Variants in COL8A1 observed in about 807,000 individuals in gnomAD.
COL8A1 encodes collagen alpha-1(VIII) chain.
In COL8A1, 21 loss-of-function variants were observed where a neutral mutation model predicts 42.7. The ratio of observed to expected loss-of-function variants is 0.49; its 90% CI spans 0.35 to 0.71. The LOEUF (loss-of-function observed/expected upper bound fraction) is 0.71. Ranked by LOEUF, COL8A1 falls within the 30% of genes least tolerant of loss-of-function variation. The pLI, the probability that COL8A1 is intolerant of heterozygous loss-of-function variation, is 0.01. For synonymous variants in COL8A1, 367 were observed against 369.1 expected, an observed-to-expected ratio of 0.99 and a Z score of 0.06; for missense variants, 788 against 962.4, an observed-to-expected ratio of 0.82 and a Z score of 2.40.
intron 1 of COL8A1, among the ~76,000 whole-genome samples, chr3:99,729,722 G>C (rs1440923876): frequency 6.6e-6 from 1 of 152,006 alleles, no homozygotes; most frequent in Non-Finnish European, 1.5e-5. Flanking sequence ...GGCTTAAAGA[G>C]TTCCTTCAGA....
chr3:99,774,154 T>C (rs1941647106), intron 2 of COL8A1, among the ~76,000 whole-genome samples: 1 of 151,382 alleles, frequency 6.6e-6, no homozygotes, highest in East Asian at 1.9e-4. Flanking sequence ...CCGATAGACA[T>C]ATATTTTTTA....
In COL8A1 at chr3:99,724,192, GT is replaced by G. The variant is rs1335545274; in HGVS notation, c.-128-20702del. 2.0e-5 allele frequency among the ~76,000 whole-genome samples: 3 copies of G among 152,064 alleles called. No homozygotes were observed. In the East Asian group the frequency reaches 5.8e-4, roughly 29 times the overall value. ...GCTAAAGTTGGAGAGAGAGGACTCA[GT>G]TTGCAGAATCTGTGTCATTGGTTGG... On this transcript the variant is annotated intron_variant, in intron 1 of 3. Coordinates refer to ENST00000652472, the MANE Select transcript of COL8A1 (RefSeq NM_020351.4).
At chr3:99,756,028 C>A (rs891953740) in intron 2 of COL8A1, among the ~76,000 whole-genome samples, 8 of 152,012 alleles carry the variant, frequency 5.3e-5, no homozygotes, top group African/African-American at 1.9e-4. Context: ...CTGGTCCAGG[C>A]AAAACATGAT....
chr3:99,795,489 C>G lies in COL8A1; in HGVS notation c.1588C>G (p.Pro530Ala). ...GGGCCTCCCAGGGCCCCCTGGGTTC[C>G]CTGGTATAGGGAAACCCGGAGTGGC... is the stretch of plus-strand genomic sequence containing the variant. ...EPGLPGPPGF[P>A]GIGKPGVAGL... The change falls in exon 4 of 4, where the codon CCT becomes GCT. Residue 530 changes from proline to alanine, a missense_variant. Physicochemically the swap from Pro to Ala is conservative, Grantham distance 27 (BLOSUM62 -1). Transcript: ENST00000652472. 6.4e-7 allele frequency: 1 copy of G among 1,564,038 alleles called. No individual in the cohort carries two copies. Among genetic ancestry groups the G allele is most frequent in the Non-Finnish European group, 8.7e-7 (1 of 1,153,168 alleles).
chr3:99,716,026 A>G (rs1361282996), intron 1 of COL8A1, among the ~76,000 whole-genome samples: 3 of 152,052 alleles, frequency 2.0e-5, no homozygotes, highest in Non-Finnish European at 2.9e-5. Context: ...TTACAGTGGT[A>G]TAACCCTTTT....
intron 1 of COL8A1, among the ~76,000 whole-genome samples, chr3:99,694,917 G>T (rs1217091119): frequency 6.6e-6 from 1 of 152,164 alleles, no homozygotes; most frequent in Non-Finnish European, 1.5e-5. Context: ...AGGAGTAAAA[G>T]CTGCAGTAAA....
intron 1 of COL8A1, among the ~76,000 whole-genome samples, chr3:99,700,237 T>C (rs1014458367): frequency 6.6e-6 from 1 of 152,070 alleles, no homozygotes; most frequent in African/African-American, 2.4e-5. Context: ...GAAATGCACG[T>C]ATACCTATGT....
chr3:99,665,673 CTTTTTTTTTTTTT>C (rs67004417), intron 1 of COL8A1, among the ~76,000 whole-genome samples: 2 of 70,222 alleles, frequency 2.8e-5, no homozygotes, highest in Non-Finnish European at 5.2e-5. Context: ...TGAATTAATT[CTTTTTTTTTTTTT>C]TTTTTTTTTT....
chr3:99,707,879 C>T (rs1185541302), intron 1 of COL8A1, among the ~76,000 whole-genome samples: 2 of 152,104 alleles, frequency 1.3e-5, no homozygotes. Context: ...CCACCAATAA[C>T]CCCATGAGAC....
At chr3:99,725,499 T>C (rs1201150864) in intron 1 of COL8A1, among the ~76,000 whole-genome samples, 4 of 151,456 alleles carry the variant, frequency 2.6e-5, no homozygotes, top group African/African-American at 9.7e-5. Context: ...TGTGCCATGT[T>C]GGTGTGCTGC....
chr3:99,795,294 G>C lies in COL8A1; in HGVS notation c.1393G>C (p.Gly465Arg). 1 of 1,610,662 alleles carries C rather than the reference G, an allele frequency of 6.2e-7. No individual in the cohort carries two copies. Among genetic ancestry groups the C allele is most frequent in the Admixed American group, 1.7e-5 (1 of 59,402 alleles). The part of the protein sequence containing the change: ...PGPIGPKGEA[G>R]QKGVPGLPGV... ...TCCCATAGGGCCCAAGGGGGAAGCTGGGCAAAAAGGTGTACCAGGACTCCC... is the reference window on the plus strand; with the variant it reads ...TCCCATAGGGCCCAAGGGGGAAGCTCGGCAAAAAGGTGTACCAGGACTCCC... Residue 465 changes from glycine (G) to arginine (R), a missense_variant, in exon 4 of 4, where the codon GGG (glycine) becomes CGG (arginine). Gly to Arg is a moderately radical substitution (Grantham distance 125). This residue lies in a region of COL8A1 where 154 missense variants were observed against 182.3 expected (regional missense o/e 0.84). Transcript: ENST00000652472.
At chr3:99,747,718 T>C (rs780243155) in intron 2 of COL8A1, among the ~76,000 whole-genome samples, 24 of 152,360 alleles carry the variant, frequency 1.6e-4, no homozygotes, top group Admixed American at 2.6e-4. Flanking sequence ...ACATATAATT[T>C]TACTGCAGAA....
At chr3:99,690,687 T>C (rs1273718278) in intron 1 of COL8A1, among the ~76,000 whole-genome samples, 1 of 152,220 alleles carries the variant, frequency 6.6e-6, no homozygotes, top group Non-Finnish European at 1.5e-5. Context: ...AACTTTCATT[T>C]TATCTTAACT....
rs74339610 is a variant in COL8A1, at chr3:99,660,870, G to A, written c.-129+22206G>A. ...TTTAATAGCTAACCATAATGTCACA[G>A]GCTTTTACTGTTTGAAAAACAGAGT... is the stretch of plus-strand genomic sequence containing the variant. On this transcript the variant is annotated intron_variant, in intron 1 of 3. Transcript: ENST00000652472. 2.4e-4 allele frequency among the ~76,000 whole-genome samples: 37 copies of A among 152,252 alleles called. No homozygotes were observed. The East Asian group carries it at 7.1e-3, about 29-fold the overall frequency.
chr3:99,709,725 A>G (rs1330339433), intron 1 of COL8A1, among the ~76,000 whole-genome samples: 1 of 152,190 alleles, frequency 6.6e-6, no homozygotes, highest in Non-Finnish European at 1.5e-5. Context: ...GTGTGATCAC[A>G]TCAATGTTGT....
chr3:99,645,413 C>G (rs902453680), intron 1 of COL8A1, among the ~76,000 whole-genome samples: 1 of 152,146 alleles, frequency 6.6e-6, no homozygotes, highest in Non-Finnish European at 1.5e-5. Context: ...GAAAGGGGAT[C>G]TGTGGCAAAA....
At chr3:99,695,598 C>T (rs1405509118) in intron 1 of COL8A1, among the ~76,000 whole-genome samples, 2 of 152,148 alleles carry the variant, frequency 1.3e-5, no homozygotes, top group Non-Finnish European at 2.9e-5. Flanking sequence ...CTCTCTCTCT[C>T]TCCGTCTTTC....
chr3:99,724,688 T>C (rs972281313), intron 1 of COL8A1, among the ~76,000 whole-genome samples: 1 of 152,106 alleles, frequency 6.6e-6, no homozygotes, highest in African/African-American at 2.4e-5. Flanking sequence ...ATTTCTTAGT[T>C]AGGTTAAAAA....
intron 1 of COL8A1, among the ~76,000 whole-genome samples, chr3:99,735,960 T>A (rs1334350063): frequency 6.6e-6 from 1 of 152,084 alleles, no homozygotes; most frequent in Non-Finnish European, 1.5e-5. Flanking sequence ...TAGTATTCTC[T>A]GATGGTAGTT....
Sources: gnomAD v4.1 joint callset for allele counts (sites outside exome capture counted in the v4.1 genomes callset) on GRCh38, gnomAD v4.1.1 for gene constraint, gnomAD v4.1.1 regional missense constraint, MANE v1.5 for transcripts, NCBI Gene and HGNC (gene_info 2026-07-23, HGNC 2026-07-21) for gene names.